The following UNC13B variants were observed in gnomAD, a reference collection of about 807,000 sequenced individuals.
UNC13B encodes protein unc-13 homolog B.
UNC13B carries 144 observed loss-of-function variants against 211.0 expected under a neutral mutation model. The ratio of observed to expected loss-of-function variants is 0.68; its 90% CI spans 0.60 to 0.78. The LOEUF (loss-of-function observed/expected upper bound fraction) is 0.78, where lower values mean the gene tolerates loss of function less well. UNC13B is among the 30% of genes least tolerant of loss of function. The pLI is 0.00. For missense variants in UNC13B, 1,777 were observed against 2,002.0 expected (o/e 0.89, Z 2.14); for synonymous variants, 709 against 725.8 (o/e 0.98, Z 0.37).
At chr9:35,230,649 CT>C (rs1825146782) in intron 2 of UNC13B, among the ~76,000 whole-genome samples, 1 of 151,842 alleles carries the variant, frequency 6.6e-6, no homozygotes, top group African/African-American at 2.4e-5. Flanking sequence ...TGGTATGTAT[CT>C]CTTTCTACAT....
At chr9:35,278,609 CT>C (rs11378915) in intron 7 of UNC13B, among the ~76,000 whole-genome samples, 41 of 147,864 alleles carry the variant, frequency 2.8e-4, no homozygotes, top group African/African-American at 4.7e-4. Flanking sequence ...CTTTTTGCCA[CT>C]TTTTTTTTTT....
At chr9:35,181,587 G>A (rs537468774) in intron 1 of UNC13B, among the ~76,000 whole-genome samples, 156 of 152,198 alleles carry the variant, frequency 1.0e-3, no homozygotes, top group African/African-American at 2.2e-3. Context: ...CTGTAATACC[G>A]GCACTTTGGG....
At chr9:35,399,318 C>T (rs1269092748) in intron 34 of UNC13B, 34 bp downstream of exon 34, 1 of 1,614,174 alleles carries the variant, frequency 6.2e-7, no homozygotes, top group Non-Finnish European at 8.5e-7. Flanking sequence ...CTCCTGCTGT[C>T]TCCCTTCCCC....
intron 1 of UNC13B, among the ~76,000 whole-genome samples, chr9:35,221,483 T>A (rs1225468551): frequency 6.6e-6 from 1 of 152,248 alleles, no homozygotes; most frequent in Non-Finnish European, 1.5e-5. Flanking sequence ...TGGTTATTAA[T>A]CACTTGTCAG....
At chr9:35,363,279 T>C (rs2132135189) in intron 11 of UNC13B, among the ~76,000 whole-genome samples, 1 of 152,258 alleles carries the variant, frequency 6.6e-6, no homozygotes, top group South Asian at 2.1e-4. Flanking sequence ...ACAATCAACT[T>C]TGACATGGTT....
chr9:35,291,340 A>C (rs1829089704), intron 7 of UNC13B, among the ~76,000 whole-genome samples: 1 of 152,166 alleles, frequency 6.6e-6, no homozygotes, highest in African/African-American at 2.4e-5. Context: ...TCCCAGTCAT[A>C]ATCCTGACAA....
intron 37 of UNC13B, 85 bp from the exon 38 acceptor site, chr9:35,403,082 G>T: frequency 8.5e-7 from 1 of 1,171,262 alleles, no homozygotes; most frequent in East Asian, 2.4e-5. Context: ...TCTTGCTTTT[G>T]GGTATAGGGT....
intron 11 of UNC13B, among the ~76,000 whole-genome samples, chr9:35,357,129 A>G (rs1200125383): frequency 1.3e-5 from 2 of 152,192 alleles, no homozygotes; most frequent in East Asian, 3.8e-4. Flanking sequence ...TCATATGGTA[A>G]TTCTGTTTAC....
intron 1 of UNC13B, among the ~76,000 whole-genome samples, chr9:35,178,426 G>A (rs899097018): frequency 7.9e-5 from 12 of 152,048 alleles, no homozygotes; most frequent in Non-Finnish European, 1.8e-4. Flanking sequence ...AAACCCAGGA[G>A]GCGGAGGTTG....
intron 1 of UNC13B, among the ~76,000 whole-genome samples, chr9:35,188,857 A>G (rs1359092558): frequency 1.3e-5 from 2 of 152,224 alleles, no homozygotes; most frequent in Non-Finnish European, 2.9e-5. Context: ...ATGAAACCTT[A>G]TAGATGATTC....
At chr9:35,289,275 A>T (rs1828962669) in intron 7 of UNC13B, among the ~76,000 whole-genome samples, 1 of 152,204 alleles carries the variant, frequency 6.6e-6, no homozygotes, top group African/African-American at 2.4e-5. Flanking sequence ...TGATGTTCCT[A>T]GAATTTCGAG....
intron 11 of UNC13B, among the ~76,000 whole-genome samples, chr9:35,343,761 T>C (rs1253164564): frequency 1.3e-5 from 2 of 152,072 alleles, no homozygotes; most frequent in African/African-American, 2.4e-5. Flanking sequence ...ACCCATGCTG[T>C]CCAATGTGGT....
chr9:35,246,111 G>GC (rs1400964284), intron 6 of UNC13B, among the ~76,000 whole-genome samples: 4 of 152,094 alleles, frequency 2.6e-5, no homozygotes, highest in African/African-American at 9.7e-5. Context: ...GTGATGATGA[G>GC]CATTTTTTCA....
At position 35,307,605 on chromosome 9, in the gene UNC13B, T is replaced by C; in HGVS notation, c.8201T>C (p.Leu2734Pro). The C allele has an allele frequency of 5.0e-6, 2 of 399,176 alleles. No individual in the cohort carries two copies. The highest frequency in any genetic ancestry group is 8.8e-6 in the Non-Finnish European group (2 of 226,170). The allele number at this position is 399,176 out of a possible 1,614,324, so 24.7% of individuals were successfully genotyped here. A position where few individuals can be genotyped will look rare whatever the true frequency, so the allele number is the denominator to read the frequency against. The change falls in exon 9 of 40, where the codon CTT (leucine) becomes CCT (proline). Residue 2734 changes from leucine (L) to proline (P), a missense_variant. Coordinates refer to ENST00000635942, the MANE Select transcript of UNC13B (RefSeq NM_001371189.2). The stretch of plus-strand genomic sequence containing the variant: ...CATCCTCTGCTGGAGGACCCTGTGC[T>C]TGCTGCCAGAGAAAGTTGTGAGATA... The part of the protein sequence containing the change: ...FSHPLLEDPV[L>P]AARESCEIIH...
intron 1 of UNC13B, among the ~76,000 whole-genome samples, chr9:35,203,248 G>T (rs1440819105): frequency 6.6e-6 from 1 of 152,140 alleles, no homozygotes; most frequent in African/African-American, 2.4e-5. Context: ...TTTCTTCCTA[G>T]CATCGATGGT....
chr9:35,206,013 A>C (rs187491416), intron 1 of UNC13B, among the ~76,000 whole-genome samples: 46 of 152,088 alleles, frequency 3.0e-4, no homozygotes, highest in Admixed American at 3.0e-3. Context: ...ATGTAACCCC[A>C]TCTCTAAAAA....
At chr9:35,372,523 G>A (rs1325882288) in intron 13 of UNC13B, among the ~76,000 whole-genome samples, 2 of 88,856 alleles carry the variant, frequency 2.3e-5, no homozygotes, top group Admixed American at 1.2e-4. Context: ...GATACATGGG[G>A]CCCCTGTGCA....
rs747130638 is a variant in UNC13B at position 35,210,969 on chromosome 9, A to G, written c.23-17046A>G. Among the ~76,000 whole-genome samples the G allele has an allele frequency of 4.6e-5, 7 of 152,248 alleles. No homozygotes were observed. The South Asian group carries it at 1.5e-3, about 32-fold the overall frequency. The stretch of plus-strand genomic sequence containing the variant: ...TTAGGCTGTACTAACTCCTGGGCTC[A>G]ATGAATCCTCCTGCCTCAGCCTTCC... On this transcript the variant is annotated intron_variant, in intron 1 of 39. Coordinates refer to ENST00000635942, the MANE Select transcript of UNC13B (RefSeq NM_001371189.2).
At chr9:35,232,409 T>C (rs903415081) in intron 3 of UNC13B, among the ~76,000 whole-genome samples, 2 of 151,846 alleles carry the variant, frequency 1.3e-5, no homozygotes, top group African/African-American at 4.8e-5. Flanking sequence ...CTCAAACTCC[T>C]GGGCTCAAGC....
Sources: gnomAD v4.1 joint callset for allele counts (sites outside exome capture counted in the v4.1 genomes callset) on GRCh38, gnomAD v4.1.1 for gene constraint, MANE v1.5 for transcripts, NCBI Gene and HGNC (gene_info 2026-07-23, HGNC 2026-07-21) for gene names.